Variants in STXBP3 observed in about 807,000 individuals in gnomAD.
STXBP3 encodes the protein syntaxin binding protein 3.
In STXBP3, 41 loss-of-function variants were observed where a neutral mutation model predicts 85.7. That is an observed-to-expected ratio of 0.48 (90% CI 0.37 to 0.62). The LOEUF (loss-of-function observed/expected upper bound fraction) is 0.62. Among genes scored for constraint, STXBP3 ranks in the 20% least tolerant of loss-of-function variants. STXBP3 has a pLI of 0.00. For missense variants in STXBP3, 563 were observed against 703.1 expected (o/e 0.80, Z 2.25); for synonymous variants, 229 against 231.7 (o/e 0.99, Z 0.10).
chr1:108,775,314 A>G (rs183441416), intron 7 of STXBP3, among the ~76,000 whole-genome samples: 165 of 152,158 alleles, frequency 1.1e-3, no homozygotes, highest in African/African-American at 3.8e-3. Flanking sequence ...TAGTAGGTGT[A>G]TATATTTATG....
intron 12 of STXBP3, 56 bp from the exon 13 acceptor site, chr1:108,794,771 C>T: frequency 6.7e-7 from 1 of 1,482,188 alleles, no homozygotes. Flanking sequence ...TTAATATTAC[C>T]AGTTGCACAA....
In STXBP3 at chr1:108,756,751, C is replaced by T. The variant is rs1222277509; in HGVS notation, c.243C>T (p.Ile81=). Residue 81 remains isoleucine (I), a synonymous_variant, in exon 4 of 19, where the codon ATC becomes ATT. Coordinates refer to ENST00000370008, the MANE Select transcript of STXBP3 (RefSeq NM_007269.4). ...GACAAATGAAAGCTCTTTATTTCAT[C>T]ACTCCGACATCAAAGGTGAGTATTT... ...PVRQMKALYF[I]TPTSKSVDCF... is the part of the protein sequence containing the mutation. 2.5e-6 allele frequency: 4 copies of T among 1,593,916 alleles called. No individual in the cohort carries two copies. The highest frequency in any genetic ancestry group is 2.3e-5 in the East Asian group (1 of 44,000).
At chr1:108,753,214 T>G in intron 3 of STXBP3, 70 bp downstream of exon 3, 2 of 1,121,780 alleles carry the variant, frequency 1.8e-6, no homozygotes, top group Non-Finnish European at 2.5e-6. Context: ...TAAATTTTAG[T>G]TAGTAGTTGT....
At chr1:108,765,846 AT>A (rs1221460441) in intron 6 of STXBP3, among the ~76,000 whole-genome samples, 1,162 of 74,032 alleles carry the variant, frequency 0.016, 10 homozygotes, top group African/African-American at 0.06. Context: ...TGCTCCCGGC[AT>A]TTTTTTTTTT....
chr1:108,772,453 A>G (rs1311201441), intron 6 of STXBP3, among the ~76,000 whole-genome samples: 2 of 143,862 alleles, frequency 1.4e-5, no homozygotes, highest in African/African-American at 5.1e-5. Context: ...TGTATAATAT[A>G]TAAATACATA....
intron 6 of STXBP3, among the ~76,000 whole-genome samples, chr1:108,771,954 A>ATATC (rs1302913672): frequency 2.4e-5 from 1 of 41,454 alleles, no homozygotes. Context: ...AATACATATG[A>ATATC]TATCTGTATC....
At chr1:108,767,407 A>T (rs1557804161) in intron 6 of STXBP3, 1 of 208,284 alleles carries the variant, frequency 4.8e-6, no homozygotes, top group African/African-American at 2.4e-5. Context: ...TGGTGAAAAC[A>T]TTCCTTCTTG....
At chr1:108,805,281 A>T (rs985355580) in intron 17 of STXBP3, among the ~76,000 whole-genome samples, 1 of 152,142 alleles carries the variant, frequency 6.6e-6, no homozygotes, top group African/African-American at 2.4e-5. Flanking sequence ...TGGGAACAAG[A>T]GTGGGTCTTG....
Position 108,796,727 on chromosome 1 carries a change from G to A in STXBP3, c.1356+1G>A. 1 of 1,611,972 alleles carries A rather than the reference G, an allele frequency of 6.2e-7. No homozygotes were observed. The highest frequency in any genetic ancestry group is 8.5e-7 in the Non-Finnish European group (1 of 1,178,694). ...CCTTGGTGTTCCCATTGTTCCCCAAGTAAGAAGTCTTATGTTGTGTATATA... is the reference window on the plus strand; with the variant it reads ...CCTTGGTGTTCCCATTGTTCCCCAAATAAGAAGTCTTATGTTGTGTATATA... On this transcript the variant is annotated splice_donor_variant, in intron 15 of 18. Coordinates refer to ENST00000370008, the MANE Select transcript of STXBP3 (RefSeq NM_007269.4). LOFTEE classifies it high-confidence loss of function.
intron 11 of STXBP3, among the ~76,000 whole-genome samples, chr1:108,783,149 G>A (rs1348280014): frequency 6.6e-6 from 1 of 152,112 alleles, no homozygotes; most frequent in Non-Finnish European, 1.5e-5. Context: ...TTTGGTGCTG[G>A]GATTACAGGT....
intron 6 of STXBP3, among the ~76,000 whole-genome samples, chr1:108,771,948 CAT>C (rs1662451432): frequency 1.9e-5 from 1 of 51,950 alleles, no homozygotes; most frequent in Admixed American, 3.4e-4. Flanking sequence ...TATATAAATA[CAT>C]ATGATATCTG....
At position 108,793,451 on chromosome 1, in the gene STXBP3, T is replaced by A. The variant is rs1260939797; in HGVS notation, c.964-131T>A. On this transcript the variant is annotated intron_variant, in intron 11 of 18. Coordinates refer to ENST00000370008, the MANE Select transcript of STXBP3 (RefSeq NM_007269.4). ...AAACTGGAAGCCTCCTAAATTCTTC[T>A]TTCAAAAAAATTGTCAAATATTCAG... is the stretch of plus-strand genomic sequence containing the variant. 4.1e-5 allele frequency: 29 copies of A among 706,794 alleles called. No homozygotes were observed. The Middle Eastern group carries it at 1.1e-3, about 26-fold the overall frequency. The allele number at this position is 706,794 out of a possible 1,614,324, so 43.8% of individuals were successfully genotyped here. A position where few individuals can be genotyped will look rare whatever the true frequency, so the allele number is the denominator to read the frequency against.
At chr1:108,797,339 C>CAAAA (rs34395473) in intron 15 of STXBP3, among the ~76,000 whole-genome samples, 2 of 85,824 alleles carry the variant, frequency 2.3e-5, no homozygotes, top group Non-Finnish European at 2.3e-5. Flanking sequence ...GACTCTGTCT[C>CAAAA]AAAAAAAAAA....
rs538268944 is a variant in STXBP3 at position 108,770,800 on chromosome 1, A to C, written c.439-1865A>C. 3.3e-5 allele frequency among the ~76,000 whole-genome samples: 5 copies of C among 152,226 alleles called. No individual in the cohort carries two copies. In the East Asian group the frequency reaches 9.6e-4, roughly 29 times the overall value. On this transcript the variant is annotated intron_variant, in intron 6 of 18. Coordinates refer to ENST00000370008, the MANE Select transcript of STXBP3 (RefSeq NM_007269.4). Reference sequence around the variant, plus strand: ...GGCTTTTGTATCCTCCAAATCCTCTAACCCAGTTCTTTGTACATAAGTAAA... The same window carrying C: ...GGCTTTTGTATCCTCCAAATCCTCTCACCCAGTTCTTTGTACATAAGTAAA...
Position 108,808,913 on chromosome 1 carries a change from T to C in STXBP3, c.*36T>C. 7.3e-7 allele frequency: 1 copy of C among 1,368,746 alleles called. No homozygotes were observed. 84.8% of individuals were successfully genotyped at this position (1,368,746 alleles called of 1,614,324 possible). ...TGGAGGGTTTAGAGATTCTTACTAA[T>C]ATGTTGAACTAAAATAGAAAGAAAA... On this transcript the variant is annotated 3_prime_UTR_variant, in exon 19 of 19. Transcript: ENST00000370008.
intron 11 of STXBP3, among the ~76,000 whole-genome samples, chr1:108,786,634 A>G (rs956666908): frequency 1.5e-4 from 23 of 152,188 alleles, no homozygotes; most frequent in African/African-American, 4.8e-4. Flanking sequence ...GTCCTTTTCC[A>G]TGGTCAATTT....
intron 7 of STXBP3, among the ~76,000 whole-genome samples, chr1:108,775,635 C>G (rs150691013): frequency 3.3e-5 from 5 of 151,976 alleles, no homozygotes; most frequent in Non-Finnish European, 7.4e-5. Context: ...TTTTAGCTCC[C>G]GGAAGCAAGT....
chr1:108,771,611 GATAT>G (rs1312730858), intron 6 of STXBP3, among the ~76,000 whole-genome samples: 2 of 57,682 alleles, frequency 3.5e-5, no homozygotes, highest in Non-Finnish European at 5.9e-5. Context: ...AAATATATAT[GATAT>G]ATATCTATAT....
intron 13 of STXBP3, among the ~76,000 whole-genome samples, chr1:108,795,700 T>A (rs372403874): frequency 1.1e-3 from 167 of 152,334 alleles, no homozygotes; most frequent in African/African-American, 3.8e-3. Flanking sequence ...GCCACAGTAC[T>A]GGATAGCATA....
Sources: allele counts gnomAD v4.1 joint callset (sites outside exome capture counted in the v4.1 genomes callset), GRCh38; gene constraint gnomAD v4.1.1; transcripts MANE v1.5; gene names NCBI Gene and HGNC (gene_info 2026-07-23, HGNC 2026-07-21).